CRYBA4: variants seen among roughly 807,000 people sequenced by gnomAD.
The protein encoded by CRYBA4 is crystallin beta A4.
Under a neutral mutation model 31.7 loss-of-function variants are expected in CRYBA4, and 30 were observed. That is an observed-to-expected ratio of 0.95 (90% CI 0.71 to 1.28). The LOEUF (loss-of-function observed/expected upper bound fraction) is 1.28. Ranked by LOEUF, CRYBA4 falls within the 50% of genes most tolerant of loss-of-function variation. The pLI, the probability that CRYBA4 is intolerant of heterozygous loss-of-function variation, is 0.00. For missense variants in CRYBA4, 225 were observed against 260.7 expected (o/e 0.86, Z 0.94); for synonymous variants, 102 against 102.3 (o/e 1.00, Z 0.02).
chr22:26,598,807 A>T, the CRYBA4 span, among the ~76,000 whole-genome samples: 1 of 152,228 alleles, frequency 6.6e-6, no homozygotes, highest in Non-Finnish European at 1.5e-5. Flanking sequence ...AATATGTCAA[A>T]AGTAGACCAG....
chr22:26,607,907 G>A, the CRYBA4 span: 13 of 1,614,100 alleles, frequency 8.1e-6, no homozygotes, highest in Non-Finnish European at 1.1e-5. Flanking sequence ...TGGGCCGGAA[G>A]GACATGAGCC....
the CRYBA4 span, among the ~76,000 whole-genome samples, chr22:26,602,446 C>G: frequency 6.6e-6 from 1 of 151,482 alleles, no homozygotes; most frequent in Non-Finnish European, 1.5e-5. Flanking sequence ...TTTTAATTTG[C>G]CAGGCATGGT....
the CRYBA4 span, chr22:26,607,991 G>A: frequency 1.4e-5 from 23 of 1,614,178 alleles, no homozygotes; most frequent in Admixed American, 2.2e-4. Context: ...ACATCTCCCC[G>A]CGGAAGTTGG....
chr22:26,596,218 C>T, the CRYBA4 span, among the ~76,000 whole-genome samples: 1 of 152,194 alleles, frequency 6.6e-6, no homozygotes, highest in Non-Finnish European at 1.5e-5. Flanking sequence ...GCCTCAGCCT[C>T]CAGAGCAGCT....
At chr22:26,617,681 G>A (rs960318395), upstream of CRYBA4, among the ~76,000 whole-genome samples, 4 of 151,648 alleles carry the variant, frequency 2.6e-5, no homozygotes, top group Non-Finnish European at 5.9e-5. Flanking sequence ...CTATCTGCCT[G>A]TCTGTTTCTC....
the CRYBA4 span, among the ~76,000 whole-genome samples, chr22:26,593,885 CA>C: frequency 6.6e-6 from 1 of 152,274 alleles, no homozygotes; most frequent in Non-Finnish European, 1.5e-5. Context: ...TTATTATATT[CA>C]AGCTGATCAT....
chr22:26,629,685 AG>A lies in CRYBA4; in HGVS notation c.444-653del, dbSNP rs530664483. ...AGGAGGCAGAGGTTGCAGTGAGCCG[AG>A]GTCATGCCACGGCACTCCAGTCTGG... is the stretch of plus-strand genomic sequence containing the variant. On this transcript the variant is annotated intron_variant, in intron 5 of 5. Transcript: ENST00000354760. Among the ~76,000 whole-genome samples the A allele has an allele frequency of 3.0e-3, 405 of 136,848 alleles. 2 individuals carry two copies. Among genetic ancestry groups the A allele is most frequent in the African/African-American group, 9.3e-3 (354 of 38,072 alleles). The allele number at this position is 136,848 out of a possible 152,430, so 89.8% of individuals were successfully genotyped here.
At chr22:26,622,318 A>G (rs754036417) in intron 1 of CRYBA4, among the ~76,000 whole-genome samples, 31 of 152,052 alleles carry the variant, frequency 2.0e-4, no homozygotes, top group Non-Finnish European at 3.4e-4. Flanking sequence ...AAATTTTCCC[A>G]TAACAAGCAG....
chr22:26,619,146 G>T (rs1313177833), upstream of CRYBA4, among the ~76,000 whole-genome samples: 1 of 152,198 alleles, frequency 6.6e-6, no homozygotes, highest in African/African-American at 2.4e-5. Context: ...AGAAGGTAGG[G>T]TACGGAGGAG....
At chr22:26,621,236 C>A (rs1263488389), upstream of CRYBA4, among the ~76,000 whole-genome samples, 1 of 152,206 alleles carries the variant, frequency 6.6e-6, no homozygotes, top group Non-Finnish European at 1.5e-5. Flanking sequence ...ACAGTGCCAT[C>A]CGGATTCATC....
the CRYBA4 span, among the ~76,000 whole-genome samples, chr22:26,595,484 C>A: frequency 1.3e-5 from 2 of 150,972 alleles, no homozygotes; most frequent in African/African-American, 4.9e-5. Context: ...GAGGCTGAGG[C>A]AGGAAAATCG....
At chr22:26,627,046 GCAAA>G (rs57736538) in intron 4 of CRYBA4, among the ~76,000 whole-genome samples, 22,147 of 151,978 alleles carry the variant, frequency 0.15, 2,100 homozygotes, top group South Asian at 0.3. Context: ...CATTTATTCT[GCAAA>G]CAGTCTAGAT....
upstream of CRYBA4, among the ~76,000 whole-genome samples, chr22:26,618,517 A>T (rs1929436132): frequency 6.6e-6 from 1 of 152,252 alleles, no homozygotes; most frequent in Non-Finnish European, 1.5e-5. Flanking sequence ...TTGTAAAGGC[A>T]GATGTGGGTT....
the CRYBA4 span, among the ~76,000 whole-genome samples, chr22:26,592,029 A>C: frequency 6.6e-6 from 1 of 152,212 alleles, no homozygotes; most frequent in Non-Finnish European, 1.5e-5. Context: ...ATAAATAGTT[A>C]GTGCTTGCCT....
At chr22:26,627,179 A>C (rs1019373736) in intron 4 of CRYBA4, among the ~76,000 whole-genome samples, 7 of 152,154 alleles carry the variant, frequency 4.6e-5, no homozygotes, top group Non-Finnish European at 8.8e-5. Context: ...GGGTAGGGTT[A>C]GTTTCATTTT....
chr22:26,629,447 A>G (rs548275655), intron 5 of CRYBA4, among the ~76,000 whole-genome samples: 2 of 152,124 alleles, frequency 1.3e-5, no homozygotes, highest in Non-Finnish European at 2.9e-5. Flanking sequence ...ACAGAGTAGA[A>G]ATCAATGAGT....
the CRYBA4 span, chr22:26,612,141 G>C: frequency 6.2e-7 from 1 of 1,613,926 alleles, no homozygotes; most frequent in Non-Finnish European, 8.5e-7. Flanking sequence ...GCACTCCCCC[G>C]AGAATTCTGC....
intron 4 of CRYBA4, 51 bp downstream of exon 4, chr22:26,625,673 G>A: frequency 6.3e-7 from 1 of 1,588,966 alleles, no homozygotes; most frequent in Non-Finnish European, 8.6e-7. Flanking sequence ...CCTCATGTGG[G>A]CACTTCGGAA....
the CRYBA4 span, among the ~76,000 whole-genome samples, chr22:26,616,535 T>C: frequency 2.6e-5 from 4 of 152,154 alleles, no homozygotes; most frequent in East Asian, 7.7e-4. Flanking sequence ...TCATCCCACA[T>C]ATATCCTTCC....
Sources: gnomAD v4.1 joint callset for allele counts (sites outside exome capture counted in the v4.1 genomes callset) on GRCh38, gnomAD v4.1.1 for gene constraint, MANE v1.5 for transcripts, NCBI Gene and HGNC (gene_info 2026-07-23, HGNC 2026-07-21) for gene names.